The following PTP4A2 variants were observed in gnomAD, a reference collection of about 807,000 sequenced individuals.
PTP4A2 encodes protein tyrosine phosphatase type IVA 2.
A neutral mutation model predicts 22.9 loss-of-function variants in PTP4A2; 2 were observed. The ratio of observed to expected loss-of-function variants is 0.09; its 90% CI spans 0.04 to 0.27. PTP4A2 has a LOEUF of 0.27. PTP4A2 is among the 10% of genes least tolerant of loss of function. The pLI is 1.00. For synonymous variants in PTP4A2, 68 were observed against 69.1 expected (o/e 0.98, Z 0.08); for missense variants, 103 against 205.1 (o/e 0.50, Z 3.04).
intron 1 of PTP4A2, among the ~76,000 whole-genome samples, chr1:31,935,918 C>T (rs902308788): frequency 6.6e-5 from 10 of 151,936 alleles, no homozygotes; most frequent in Admixed American, 1.3e-4. Context: ...CCTCAGCCTC[C>T]GGGATAGCTG....
rs1651354423 is a variant in PTP4A2 at position 31,908,343 on chromosome 1, G to C, written c.*509C>G. On this transcript the variant is annotated 3_prime_UTR_variant, in exon 6 of 6. Transcript: ENST00000647444. ...TCTATTCCATCTACAACTTGGATCG[G>C]GGGAAAAGGGAGATGTAGGAGAGGA... is the stretch of plus-strand genomic sequence containing the variant. 6.9e-6 allele frequency: 1 copy of C among 144,930 alleles called. No individual in the cohort carries two copies. Among genetic ancestry groups the C allele is most frequent in the Admixed American group, 7.0e-5 (1 of 14,328 alleles). 9.0% of individuals were successfully genotyped at this position (144,930 alleles called of 1,614,324 possible). A position where few individuals can be genotyped will look rare whatever the true frequency, so the allele number is the denominator to read the frequency against.
chr1:31,914,544 C>T (rs1366980557), intron 3 of PTP4A2: 5 of 221,570 alleles, frequency 2.3e-5, no homozygotes, highest in African/African-American at 1.2e-4. Flanking sequence ...AACTACCTCT[C>T]AATAAGAAGC....
chr1:31,920,543 T>C (rs957700642), intron 1 of PTP4A2, among the ~76,000 whole-genome samples: 1 of 149,666 alleles, frequency 6.7e-6, no homozygotes, highest in African/African-American at 2.5e-5. Context: ...GAACTTTTTT[T>C]TTTTTTTTTT....
intron 2 of PTP4A2, among the ~76,000 whole-genome samples, chr1:31,917,928 G>T (rs1465612853): frequency 7.7e-6 from 1 of 129,458 alleles, no homozygotes; most frequent in Non-Finnish European, 1.6e-5. Flanking sequence ...AGCCAAGATC[G>T]TGCCACTGCA....
intron 1 of PTP4A2, among the ~76,000 whole-genome samples, chr1:31,929,788 C>T (rs1219530939): frequency 6.6e-6 from 1 of 152,152 alleles, no homozygotes. Flanking sequence ...ATTTAAGATT[C>T]TGAACTTCAA....
At chr1:31,915,853 A>G (rs1330955287) in intron 3 of PTP4A2, 42 bp downstream of exon 3, 1 of 1,286,752 alleles carries the variant, frequency 7.8e-7, no homozygotes, top group South Asian at 1.3e-5. Flanking sequence ...TATGTTTGAA[A>G]GATACAACTT....
In PTP4A2 at chr1:31,915,876, T is replaced by G. The variant is rs1651803694; in HGVS notation, c.189+19A>C. 2.0e-6 allele frequency: 3 copies of G among 1,507,694 alleles called. No individual in the cohort carries two copies. Among genetic ancestry groups the G allele is most frequent in the South Asian group, 1.2e-5 (1 of 82,760 alleles). The allele number at this position is 1,507,694 out of a possible 1,614,324, so 93.4% of individuals were successfully genotyped here. A position where few individuals can be genotyped will look rare whatever the true frequency, so the allele number is the denominator to read the frequency against. On this transcript the variant is annotated intron_variant, in intron 3 of 5. Transcript: ENST00000647444. ...AAAGATACAACTTGTTTTGAAAAAT[T>G]TAAATACTACACACTCACTAGAACG...
At chr1:31,913,391 T>C (rs1651647291) in intron 3 of PTP4A2, among the ~76,000 whole-genome samples, 1 of 152,222 alleles carries the variant, frequency 6.6e-6, no homozygotes, top group African/African-American at 2.4e-5. Context: ...TGTTTGTTTG[T>C]TTGTTTTTAA....
chr1:31,933,713 ACT>A (rs1427903181), intron 1 of PTP4A2: 2 of 152,196 alleles, frequency 1.3e-5, no homozygotes, highest in African/African-American at 2.4e-5. Context: ...ACAGAGTAAG[ACT>A]CTGTCTGGAA....
rs1167680718 is a variant in PTP4A2 at position 31,928,217 on chromosome 1, AAATAT to A, written c.-593-8564_-593-8560del. ...CATATATTTATATATTATAATATAT[AAATAT>A]AATAATATAATATATAGCATAATAT... On this transcript the variant is annotated intron_variant, in intron 1 of 5. Coordinates refer to ENST00000647444, the MANE Select transcript of PTP4A2 (RefSeq NM_080391.4). Among the ~76,000 whole-genome samples, 8 of 139,934 alleles carry A rather than the reference AAATAT, an allele frequency of 5.7e-5. No homozygotes were observed. In the East Asian group the frequency reaches 1.8e-3, roughly 32 times the overall value. 91.8% of individuals were successfully genotyped at this position (139,934 alleles called of 152,430 possible).
At position 31,908,735 on chromosome 1, in the gene PTP4A2, GA is replaced by G; in HGVS notation, c.*116del. 1.5e-6 allele frequency: 1 copy of G among 655,664 alleles called. No individual in the cohort carries two copies. The highest frequency in any genetic ancestry group is 2.7e-6 in the Non-Finnish European group (1 of 369,860). The allele number at this position is 655,664 out of a possible 1,614,324, so 40.6% of individuals were successfully genotyped here. A position where few individuals can be genotyped will look rare whatever the true frequency, so the allele number is the denominator to read the frequency against. ...TCCAATCATTAGGAGAGTGGTTGAG[GA>G]GTACTGAATCCATCACTACTTTGAT... On this transcript the variant is annotated 3_prime_UTR_variant, in exon 6 of 6. Coordinates refer to ENST00000647444, the MANE Select transcript of PTP4A2 (RefSeq NM_080391.4).
At chr1:31,930,553 G>C (rs991105446) in intron 1 of PTP4A2, among the ~76,000 whole-genome samples, 23 of 152,238 alleles carry the variant, frequency 1.5e-4, no homozygotes, top group East Asian at 5.8e-4. Context: ...TTTTGTTTGA[G>C]CCCCAGAAAT....
At chr1:31,910,198 A>C (rs559681) in intron 4 of PTP4A2, 86 bp from the exon 5 acceptor site, 1 of 967,736 alleles carries the variant, frequency 1.0e-6, no homozygotes, top group Non-Finnish European at 1.6e-6. Context: ...TTACCAATGC[A>C]ACGCATGAGC....
chr1:31,922,635 T>TTTC (rs1487361291), intron 1 of PTP4A2, among the ~76,000 whole-genome samples: 2 of 124,480 alleles, frequency 1.6e-5, no homozygotes, highest in African/African-American at 6.3e-5. Context: ...TCTTTCTTTC[T>TTTC]TTTATTTATT....
chr1:31,926,043 C>T (rs566324598), intron 1 of PTP4A2, among the ~76,000 whole-genome samples: 1 of 144,516 alleles, frequency 6.9e-6, no homozygotes, highest in Non-Finnish European at 1.5e-5. Flanking sequence ...GCAAGAGAAT[C>T]GCTTCAACCC....
chr1:31,931,224 T>G (rs1652712953), intron 1 of PTP4A2: 1 of 152,214 alleles, frequency 6.6e-6, no homozygotes, highest in Non-Finnish European at 1.5e-5. Context: ...AGATACAAAG[T>G]AAGCGTGAGA....
At position 31,907,156 on chromosome 1, in the gene PTP4A2, G is replaced by C. The variant is rs1570268653; in HGVS notation, c.*1696C>G. On this transcript the variant is annotated 3_prime_UTR_variant, in exon 6 of 6. Coordinates refer to ENST00000647444, the MANE Select transcript of PTP4A2 (RefSeq NM_080391.4). ...TCAGTGTGAGACAAGGTCCCGGTCTGTTCCTATTGGCCTAGCTGACGCTAA... is the reference window on the plus strand; with the variant it reads ...TCAGTGTGAGACAAGGTCCCGGTCTCTTCCTATTGGCCTAGCTGACGCTAA... The C allele has an allele frequency of 6.6e-6, 1 of 152,184 alleles. No homozygotes were observed. The highest frequency in any genetic ancestry group is 2.4e-5 in the African/African-American group (1 of 41,440). 9.4% of individuals were successfully genotyped at this position (152,184 alleles called of 1,614,324 possible).
intron 2 of PTP4A2, among the ~76,000 whole-genome samples, chr1:31,918,688 T>C (rs183645735): frequency 1.6e-3 from 237 of 152,332 alleles, no homozygotes; most frequent in Non-Finnish European, 2.5e-3. Context: ...TAAGTGCATA[T>C]CGTGGTCAAT....
rs146940424 is a variant in PTP4A2, at chr1:31,913,807, G to A, written c.190-1981C>T. On this transcript the variant is annotated intron_variant, in intron 3 of 5. Transcript: ENST00000647444. Reference sequence around the variant, plus strand: ...TTTACCAACATTACTGACTCAAACAGACTATGGTCAATCCAGTCATTTTCT... The same window carrying A: ...TTTACCAACATTACTGACTCAAACAAACTATGGTCAATCCAGTCATTTTCT... 1.7e-3 allele frequency: 762 copies of A among 456,188 alleles called. 9 individuals are homozygous for A. The highest frequency in any genetic ancestry group is 0.013 in the African/African-American group (672 of 50,152). The allele number at this position is 456,188 out of a possible 1,614,324, so 28.3% of individuals were successfully genotyped here.
Sources: allele counts gnomAD v4.1 joint callset (sites outside exome capture counted in the v4.1 genomes callset), GRCh38; gene constraint gnomAD v4.1.1; transcripts MANE v1.5; gene names NCBI Gene and HGNC (gene_info 2026-07-23, HGNC 2026-07-21).